The following MGAT5B variants were observed in gnomAD, a reference collection of about 807,000 sequenced individuals.
The protein encoded by MGAT5B is alpha-1,6-mannosylglycoprotein 6-beta-N-acetylglucosaminyltransferase B.
MGAT5B carries 54 observed loss-of-function variants against 95.1 expected under a neutral mutation model. The observed-to-expected ratio is 0.57, with a 90% CI of 0.46 to 0.71. The LOEUF (loss-of-function observed/expected upper bound fraction) is 0.71. MGAT5B is among the 30% of genes least tolerant of loss of function. The pLI is 0.00. For missense variants in MGAT5B, 935 were observed against 1,088.6 expected (o/e 0.86, Z 1.99); for synonymous variants, 464 against 451.0 (o/e 1.03, Z -0.36).
chr17:76,940,902 T>A lies in MGAT5B; in HGVS notation c.1848+54T>A. Reference sequence around the variant, plus strand: ...CCCCACTAGTCCACACTGCTGGTCTTCACTCTGATTAGAAAACGGTGCCCC... The same window carrying A: ...CCCCACTAGTCCACACTGCTGGTCTACACTCTGATTAGAAAACGGTGCCCC... On this transcript the variant is annotated intron_variant, in intron 15 of 17. Coordinates refer to ENST00000569840, the MANE Select transcript of MGAT5B (RefSeq NM_001199172.2). This position sits in a 1 kb window ranked among gnomAD's most constrained non-coding sequence, Gnocchi z 4.3. The A allele has an allele frequency of 6.9e-6, 10 of 1,451,940 alleles. No individual in the cohort carries two copies. Among genetic ancestry groups the A allele is most frequent in the Non-Finnish European group, 9.6e-6 (10 of 1,036,610 alleles). 89.9% of individuals were successfully genotyped at this position (1,451,940 alleles called of 1,614,324 possible). A position where few individuals can be genotyped will look rare whatever the true frequency, so the allele number is the denominator to read the frequency against.
At chr17:76,877,577 G>A (rs1483344090) in intron 2 of MGAT5B, among the ~76,000 whole-genome samples, 1 of 152,168 alleles carries the variant, frequency 6.6e-6, no homozygotes, top group African/African-American at 2.4e-5. Context: ...ACCGGGGCCC[G>A]GAGGTCTGAG....
chr17:76,930,289 C>T lies in MGAT5B; in HGVS notation c.1292-2356C>T, dbSNP rs562502117. Reference sequence around the variant, plus strand: ...AAGCTGTACCAGATGTTGATTATTACGTCTTGTGGGCCTTGAGGGGTGGGT... The same window carrying T: ...AAGCTGTACCAGATGTTGATTATTATGTCTTGTGGGCCTTGAGGGGTGGGT... On this transcript the variant is annotated intron_variant, in intron 10 of 17. Transcript: ENST00000569840. The surrounding 1 kb of genome is among the most constrained non-coding windows in gnomAD (Gnocchi z 4.1). Among the ~76,000 whole-genome samples the T allele has an allele frequency of 8.0e-5, 12 of 149,768 alleles. No individual in the cohort carries two copies. Among genetic ancestry groups the T allele is most frequent in the Non-Finnish European group, 1.6e-4 (11 of 67,568 alleles).
At chr17:76,876,993 T>C (rs1408102840) in intron 2 of MGAT5B, among the ~76,000 whole-genome samples, 2 of 152,146 alleles carry the variant, frequency 1.3e-5, no homozygotes, top group East Asian at 3.9e-4. Context: ...CAGATAGTGC[T>C]GTGAGGCTGT....
At position 76,879,421 on chromosome 17, in the gene MGAT5B, T is replaced by C. The variant is rs142736961; in HGVS notation, c.182-2730T>C. Among the ~76,000 whole-genome samples the C allele has an allele frequency of 6.8e-3, 1,041 of 152,290 alleles. 11 individuals carry two copies. Among genetic ancestry groups the C allele is most frequent in the African/African-American group, 0.024 (1,001 of 41,548 alleles). ...TGCTCTGGCCACGGCACCGCTATGG[T>C]GTCCCAGCTGTGAGACACCTTATGG... On this transcript the variant is annotated intron_variant, in intron 2 of 17. Coordinates refer to ENST00000569840, the MANE Select transcript of MGAT5B (RefSeq NM_001199172.2).
Position 76,912,882 on chromosome 17 carries a change from G to A in MGAT5B, c.1025+6695G>A, listed in dbSNP as rs1191256812. Among the ~76,000 whole-genome samples, 2 of 152,232 alleles carry A rather than the reference G, an allele frequency of 1.3e-5. No individual in the cohort carries two copies. Among genetic ancestry groups the A allele is most frequent in the Non-Finnish European group, 2.9e-5 (2 of 68,050 alleles). ...CCTGAGACGGCCTCGTGCATGTGCAGGTCCAGGGTGGGCGTTTTAAAGTTA... is the reference window on the plus strand; with the variant it reads ...CCTGAGACGGCCTCGTGCATGTGCAAGTCCAGGGTGGGCGTTTTAAAGTTA... On this transcript the variant is annotated intron_variant, in intron 8 of 17. Transcript: ENST00000569840. This position sits in a 1 kb window ranked among gnomAD's most constrained non-coding sequence, Gnocchi z 5.0.
intron 3 of MGAT5B, among the ~76,000 whole-genome samples, chr17:76,895,708 A>G (rs527339107): frequency 6.6e-6 from 1 of 150,636 alleles, no homozygotes; most frequent in African/African-American, 2.4e-5. Context: ...CTCCAGTATG[A>G]CCTCATATAA....
In MGAT5B at chr17:76,938,112, C is replaced by T. The variant is rs1969735531; in HGVS notation, c.1553C>T (p.Pro518Leu). The part of the protein sequence containing the change: ...FVKNHGLLPQ[P>L]EFQQLLRKAK... Reference sequence around the variant, plus strand: ...AAGAACCACGGCCTCTTACCGCAGCCTGAGTTTCAGCAGCTGCTGCGCAAG... The same window carrying T: ...AAGAACCACGGCCTCTTACCGCAGCTTGAGTTTCAGCAGCTGCTGCGCAAG... Residue 518 changes from proline (P) to leucine (L), a missense_variant, in exon 13 of 18, where the codon CCT (proline) becomes CTT (leucine). This residue lies in a region of MGAT5B where 440 missense variants were observed against 523.6 expected (regional missense o/e 0.84). Transcript: ENST00000569840. The surrounding 1 kb of genome is among the most constrained non-coding windows in gnomAD (Gnocchi z 4.3). The T allele has an allele frequency of 4.3e-6, 7 of 1,614,138 alleles. No individual in the cohort carries two copies. Among genetic ancestry groups the T allele is most frequent in the Non-Finnish European group, 5.9e-6 (7 of 1,180,050 alleles).
chr17:76,882,414 T>G, intron 3 of MGAT5B, 116 bp downstream of exon 3: 1 of 1,301,984 alleles, frequency 7.7e-7, no homozygotes, highest in Non-Finnish European at 1.0e-6. Flanking sequence ...TGGACCACAC[T>G]GTGGTACAGC....
At position 76,868,872 on chromosome 17, in the gene MGAT5B, C is replaced by T. The variant is rs1966890669; in HGVS notation, c.-158C>T. On this transcript the variant is annotated 5_prime_UTR_variant, in exon 1 of 18. Transcript: ENST00000569840. The surrounding 1 kb of genome is among the most constrained non-coding windows in gnomAD (Gnocchi z 6.3). ...CGCGCCGCTCCCTCCGCTGCACGCC[C>T]AGGCCTGAGCAGCGAGGCCACCGGG... The T allele has an allele frequency of 2.3e-5, 12 of 526,110 alleles. No homozygotes were observed. Among genetic ancestry groups the T allele is most frequent in the South Asian group, 3.0e-5 (1 of 33,430 alleles). 32.6% of individuals were successfully genotyped at this position (526,110 alleles called of 1,614,324 possible). A position where few individuals can be genotyped will look rare whatever the true frequency, so the allele number is the denominator to read the frequency against.
intron 15 of MGAT5B, among the ~76,000 whole-genome samples, chr17:76,944,659 A>C (rs1429474665): frequency 2.0e-5 from 3 of 152,160 alleles, no homozygotes; most frequent in Admixed American, 1.3e-4. Context: ...CCCAGCGTTG[A>C]GAATACCCAC....
chr17:76,922,514 A>G (rs1259364824), intron 8 of MGAT5B, among the ~76,000 whole-genome samples: 1 of 152,250 alleles, frequency 6.6e-6, no homozygotes, highest in South Asian at 2.1e-4. Context: ...AGGAAACAAC[A>G]GGGATGTCTT....
At chr17:76,887,473 T>TCCTCCCTCCCTCCCTCCCTC (rs1164605535) in intron 3 of MGAT5B, among the ~76,000 whole-genome samples, 14 of 18,988 alleles carry the variant, frequency 7.4e-4, no homozygotes, top group Non-Finnish European at 1.3e-3. Context: ...CTCCCTCCCT[T>TCCTCCCTCCCTCCCTCCCTC]CCTCCCTCCC....
At position 76,882,264 on chromosome 17, in the gene MGAT5B, CG is replaced by C; in HGVS notation, c.298del (p.Ala100ProfsTer34). 1.2e-6 allele frequency: 2 copies of C among 1,612,966 alleles called. No individual in the cohort carries two copies. The highest frequency in any genetic ancestry group is 1.7e-6 in the Non-Finnish European group (2 of 1,179,702). On this transcript the variant is annotated frameshift_variant, in exon 3 of 18. Coordinates refer to ENST00000569840, the MANE Select transcript of MGAT5B (RefSeq NM_001199172.2). LOFTEE classifies it high-confidence loss of function. ...GCTGGAGAACAGCAGTGAGCTGCAC[CG>C]GGCCGGCGGCGACCTGCACTTTCCC... ...ARLENSSELHRAGGDLHFPAD... is the reference protein window; with the variant it reads ...ARLENSSELHXAGGDLHFPAD...
At chr17:76,882,550 A>G (rs1967467616) in intron 3 of MGAT5B, 1 of 411,660 alleles carries the variant, frequency 2.4e-6, no homozygotes, top group Non-Finnish European at 4.3e-6. Flanking sequence ...ACTTCTCCCT[A>G]GAGACAAGTG....
intron 12 of MGAT5B, among the ~76,000 whole-genome samples, chr17:76,937,662 G>T (rs1301140357): frequency 2.6e-5 from 4 of 152,166 alleles, no homozygotes; most frequent in Admixed American, 2.6e-4. Flanking sequence ...CCTCAGAGGA[G>T]CTTAGAGGTC....
At chr17:76,921,469 C>T (rs1296830360) in intron 8 of MGAT5B, among the ~76,000 whole-genome samples, 1 of 152,178 alleles carries the variant, frequency 6.6e-6, no homozygotes, top group African/African-American at 2.4e-5. Flanking sequence ...CTGCCCGGCT[C>T]TGGATCTGGG....
chr17:76,888,813 G>A (rs2145152158), intron 3 of MGAT5B, among the ~76,000 whole-genome samples: 1 of 152,284 alleles, frequency 6.6e-6, no homozygotes, highest in East Asian at 1.9e-4. Flanking sequence ...GGAGGGCCGC[G>A]TTGGTGGTAT....
chr17:76,910,961 T>C (rs566933871), intron 8 of MGAT5B, among the ~76,000 whole-genome samples: 2 of 152,150 alleles, frequency 1.3e-5, no homozygotes, highest in African/African-American at 4.8e-5. Context: ...AGAATAAAAA[T>C]AAAAGCAAAA....
intron 3 of MGAT5B, among the ~76,000 whole-genome samples, chr17:76,882,705 C>T (rs72881288): frequency 0.013 from 908 of 70,154 alleles, 74 homozygotes; most frequent in East Asian, 0.04. Flanking sequence ...TCCACTGCCC[C>T]TTTTTTTTTT....
Sources: gnomAD v4.1 joint callset for allele counts (sites outside exome capture counted in the v4.1 genomes callset) on GRCh38, gnomAD v4.1.1 for gene constraint, gnomAD v4.1.1 regional missense constraint, Gnocchi (gnomAD v3.1) non-coding constraint, MANE v1.5 for transcripts, NCBI Gene and HGNC (gene_info 2026-07-23, HGNC 2026-07-21) for gene names.